The following MAGI1 variants were observed in gnomAD, a reference collection of about 807,000 sequenced individuals.
MAGI1 encodes the protein membrane associated guanylate kinase, WW and PDZ domain containing 1.
Under a neutral mutation model 139.9 loss-of-function variants are expected in MAGI1, and 58 were observed. The observed-to-expected ratio is 0.41, with a 90% CI of 0.34 to 0.52. MAGI1 has a LOEUF of 0.52. Ranked by LOEUF, MAGI1 falls within the 20% of genes least tolerant of loss-of-function variation. MAGI1 has a pLI of 0.12. For missense variants in MAGI1, 1,874 were observed against 1,901.6 expected (o/e 0.99, Z 0.27); for synonymous variants, 812 against 737.9 (o/e 1.10, Z -1.63).
intron 14 of MAGI1, chr3:65,387,149 A>G: frequency 6.2e-7 from 1 of 1,613,822 alleles, no homozygotes; most frequent in Non-Finnish European, 8.5e-7. Context: ...TTACTCGGAC[A>G]TTCTCCAAAA....
intron 6 of MAGI1, among the ~76,000 whole-genome samples, chr3:65,451,667 C>T (rs1056640028): frequency 6.6e-6 from 1 of 152,116 alleles, no homozygotes; most frequent in African/African-American, 2.4e-5. Flanking sequence ...TCTTTTAAGA[C>T]AGGGTCTCTC....
intron 2 of MAGI1, among the ~76,000 whole-genome samples, chr3:65,521,952 T>C (rs1265820669): frequency 6.6e-6 from 1 of 152,156 alleles, no homozygotes; most frequent in East Asian, 1.9e-4. Context: ...TCTTCATAGC[T>C]ACATAAGCTT....
chr3:65,732,079 T>G (rs76849325), intron 1 of MAGI1, among the ~76,000 whole-genome samples: 2,743 of 152,338 alleles, frequency 0.018, 50 homozygotes, highest in Non-Finnish European at 0.026. Context: ...CGTATCAATT[T>G]AGCAAATTAG....
chr3:65,606,058 G>A (rs563097564), intron 2 of MAGI1, among the ~76,000 whole-genome samples: 1 of 152,234 alleles, frequency 6.6e-6, no homozygotes, highest in African/African-American at 2.4e-5. Context: ...TGCAGTTTGA[G>A]CACCTACTAT....
intron 2 of MAGI1, chr3:65,619,824 T>G: frequency 1.0e-6 from 1 of 981,382 alleles, no homozygotes; most frequent in African/African-American, 1.7e-5. Context: ...TCCCATTTTA[T>G]GAAGAAAGTG....
chr3:65,523,520 G>C (rs2078251812), intron 2 of MAGI1, among the ~76,000 whole-genome samples: 1 of 152,158 alleles, frequency 6.6e-6, no homozygotes, highest in Admixed American at 6.5e-5. Flanking sequence ...CCCTGTAAAT[G>C]AACTTCTGTC....
Position 66,038,191 on chromosome 3 carries a change from C to T in MAGI1, c.118G>A (p.Glu40Lys). The T allele has an allele frequency of 8.1e-6, 13 of 1,612,286 alleles. No homozygotes were observed. The highest frequency in any genetic ancestry group is 2.2e-5 in the East Asian group (1 of 44,842). ...GCCACCGCTCCGACGTACGGAAACTCCCCGTGCTCCGCGCCTCCCAGCACC... is the reference window on the plus strand; with the variant it reads ...GCCACCGCTCCGACGTACGGAAACTTCCCGTGCTCCGCGCCTCCCAGCACC... ...VTVLGGAEHG[E>K]FPYVGAVAAV... The change falls in exon 1 of 23, where the codon GAG becomes AAG. Residue 40 changes from glutamate (E) to lysine (K), a missense_variant. Glu to Lys is a moderately conservative substitution (Grantham distance 56). Around this residue, in one of 5 missense-constraint regions of MAGI1, gnomAD observed 648 missense variants for 598.1 expected, o/e 1.08. Coordinates refer to ENST00000402939, the MANE Select transcript of MAGI1 (RefSeq NM_001033057.2).
At position 65,356,853 on chromosome 3, in the gene MAGI1, C is replaced by T. The variant is rs759437474; in HGVS notation, c.3914G>A (p.Arg1305Lys). ...RPKDRAPEGR[R>K]DAQAERAAAA... ...TGCCGCGCGCTCGGCCTGCGCGTCC[C>T]TCCGTCCCTCCGGCGCCCGGTCCTT... Residue 1305 changes from arginine to lysine, a missense_variant, in exon 23 of 23, where the codon AGG becomes AAG. Around this residue, in one of 5 missense-constraint regions of MAGI1, gnomAD observed 653 missense variants for 644.5 expected, o/e 1.01. Coordinates refer to ENST00000402939, the MANE Select transcript of MAGI1 (RefSeq NM_001033057.2). The T allele has an allele frequency of 2.5e-6, 4 of 1,614,020 alleles. No individual in the cohort carries two copies. Among genetic ancestry groups the T allele is most frequent in the Middle Eastern group, 1.6e-4 (1 of 6,062 alleles).
intron 1 of MAGI1, among the ~76,000 whole-genome samples, chr3:65,850,216 T>C (rs944477237): frequency 1.8e-4 from 28 of 152,318 alleles, no homozygotes; most frequent in African/African-American, 5.8e-4. Flanking sequence ...GTTTGTGTCA[T>C]GCTGTAAATT....
At chr3:65,364,030 C>A (rs1289333484) in intron 20 of MAGI1, among the ~76,000 whole-genome samples, 1 of 151,942 alleles carries the variant, frequency 6.6e-6, no homozygotes, top group Non-Finnish European at 1.5e-5. Flanking sequence ...TAACTGAAAG[C>A]CCCCAGGCAA....
chr3:65,742,907 C>T (rs941017104), intron 1 of MAGI1, among the ~76,000 whole-genome samples: 2 of 152,100 alleles, frequency 1.3e-5, no homozygotes, highest in African/African-American at 4.8e-5. Context: ...GAAATGTTTG[C>T]AAACAAACCC....
At chr3:65,611,973 A>G (rs770648357) in intron 2 of MAGI1, among the ~76,000 whole-genome samples, 14 of 152,004 alleles carry the variant, frequency 9.2e-5, no homozygotes, top group Non-Finnish European at 1.5e-4. Flanking sequence ...CACTTAGCAT[A>G]AACTTGGTAT....
chr3:65,771,060 G>A (rs1043388627), intron 1 of MAGI1, among the ~76,000 whole-genome samples: 3 of 151,852 alleles, frequency 2.0e-5, no homozygotes, highest in Non-Finnish European at 2.9e-5. Flanking sequence ...TAATCCCAGC[G>A]CTTTGGGAGG....
At chr3:65,970,766 C>A (rs1426510402) in intron 1 of MAGI1, among the ~76,000 whole-genome samples, 1 of 152,162 alleles carries the variant, frequency 6.6e-6, no homozygotes, top group Non-Finnish European at 1.5e-5. Context: ...TGTTACACAG[C>A]ATGTTTATAG....
intron 1 of MAGI1, among the ~76,000 whole-genome samples, chr3:65,661,097 C>T (rs1288863519): frequency 6.6e-6 from 1 of 152,036 alleles, no homozygotes; most frequent in Non-Finnish European, 1.5e-5. Context: ...AAATAAAAAA[C>T]AAATTGAAAA....
At chr3:65,756,900 G>C (rs1428249964) in intron 1 of MAGI1, among the ~76,000 whole-genome samples, 2 of 152,100 alleles carry the variant, frequency 1.3e-5, no homozygotes, top group African/African-American at 4.8e-5. Context: ...GAATTCCTCT[G>C]GTAATGAACT....
intron 1 of MAGI1, among the ~76,000 whole-genome samples, chr3:65,693,741 G>A (rs1424896507): frequency 6.6e-6 from 1 of 151,646 alleles, no homozygotes. Context: ...GTTTTGTTTT[G>A]GAGATGGAGT....
intron 2 of MAGI1, among the ~76,000 whole-genome samples, chr3:65,558,212 C>T (rs1383160109): frequency 1.3e-5 from 2 of 152,104 alleles, no homozygotes; most frequent in African/African-American, 4.8e-5. Flanking sequence ...CCAAGTGCCC[C>T]CATCTGTTTC....
chr3:65,712,187 G>A (rs2031538372), intron 1 of MAGI1, among the ~76,000 whole-genome samples: 1 of 152,092 alleles, frequency 6.6e-6, no homozygotes, highest in South Asian at 2.1e-4. Flanking sequence ...CACAGAATAT[G>A]ACAGAAGTGA....
Sources: gnomAD v4.1 joint callset for allele counts (sites outside exome capture counted in the v4.1 genomes callset) on GRCh38, gnomAD v4.1.1 for gene constraint, gnomAD v4.1.1 regional missense constraint, MANE v1.5 for transcripts, NCBI Gene and HGNC (gene_info 2026-07-23, HGNC 2026-07-21) for gene names.